Variants in GRIN2B observed in about 807,000 individuals in gnomAD.
The protein encoded by GRIN2B is glutamate receptor ionotropic, NMDA 2B.
A neutral mutation model predicts 114.5 loss-of-function variants in GRIN2B; 5 were observed. That is an observed-to-expected ratio of 0.04 (90% confidence interval 0.02 to 0.09). The LOEUF (loss-of-function observed/expected upper bound fraction) is 0.09, where lower values mean the gene tolerates loss of function less well. GRIN2B is among the 10% of genes least tolerant of loss of function. The pLI, the probability that GRIN2B is intolerant of heterozygous loss-of-function variation, is 1.00. For missense variants in GRIN2B, 1,108 were observed against 1,943.5 expected (o/e 0.57, Z 8.08); for synonymous variants, 787 against 745.1 (o/e 1.06, Z -0.92).
intron 10 of GRIN2B, among the ~76,000 whole-genome samples, chr12:13,606,929 T>A (rs1318884660): frequency 2.0e-5 from 3 of 151,182 alleles, no homozygotes; most frequent in African/African-American, 4.9e-5. Context: ...AATTTTTTTT[T>A]AAATAAGGAA....
chr12:13,731,933 G>C (rs1411237239), intron 4 of GRIN2B, among the ~76,000 whole-genome samples: 1 of 152,094 alleles, frequency 6.6e-6, no homozygotes, highest in Non-Finnish European at 1.5e-5. Context: ...AAAGTTAAAT[G>C]ACATTAATCT....
intron 3 of GRIN2B, among the ~76,000 whole-genome samples, chr12:13,807,457 C>G (rs1864623874): frequency 6.6e-6 from 1 of 152,098 alleles, no homozygotes; most frequent in Non-Finnish European, 1.5e-5. Context: ...CCCTGCATCT[C>G]TCTGACCACA....
chr12:13,795,006 C>T lies in GRIN2B; in HGVS notation c.412-41091G>A, dbSNP rs553257694. Among the ~76,000 whole-genome samples the T allele has an allele frequency of 2.0e-5, 3 of 152,334 alleles. No homozygotes were observed. The South Asian group carries it at 6.2e-4, about 32-fold the overall frequency. ...GGGATGGCTGGATAAGGCCAGAGCC[C>T]TATGATTCTTTGGGCCATTCTGATG... On this transcript the variant is annotated intron_variant, in intron 3 of 13. Coordinates refer to ENST00000609686, the MANE Select transcript of GRIN2B (RefSeq NM_000834.5).
At chr12:13,919,588 G>T (rs1300322803) in intron 2 of GRIN2B, among the ~76,000 whole-genome samples, 2 of 152,014 alleles carry the variant, frequency 1.3e-5, no homozygotes, top group Non-Finnish European at 2.9e-5. Flanking sequence ...AATAACAAAT[G>T]CCACGTGATG....
Position 13,866,233 on chromosome 12 carries a change from A to T in GRIN2B, c.-18-7T>A. ...TCTTCAACTCGTCGACTCCCTGCAA[A>T]CACAAAGAAAGAGCATGTTAAAATA... On this transcript the variant is annotated splice_region_variant and splice_polypyrimidine_tract_variant and intron_variant, in intron 2 of 13. Coordinates refer to ENST00000609686, the MANE Select transcript of GRIN2B (RefSeq NM_000834.5). 1 of 1,601,340 alleles carries T rather than the reference A, an allele frequency of 6.2e-7. No individual in the cohort carries two copies. Among genetic ancestry groups the T allele is most frequent in the East Asian group, 2.2e-5 (1 of 44,794 alleles).
At chr12:13,970,343 C>T (rs1426266755) in intron 2 of GRIN2B, among the ~76,000 whole-genome samples, 1 of 152,202 alleles carries the variant, frequency 6.6e-6, no homozygotes, top group African/African-American at 2.4e-5. Context: ...ACTTCATCAG[C>T]CTAAAGCTGG....
chr12:13,877,946 C>T (rs986568511), intron 2 of GRIN2B, among the ~76,000 whole-genome samples: 7 of 151,540 alleles, frequency 4.6e-5, no homozygotes, highest in Non-Finnish European at 7.4e-5. Context: ...CACCTGTAGT[C>T]CCAGCTACTC....
chr12:13,881,646 C>T (rs570652968), intron 2 of GRIN2B, among the ~76,000 whole-genome samples: 2 of 152,340 alleles, frequency 1.3e-5, no homozygotes, highest in Admixed American at 1.3e-4. Context: ...AGGCCTAAGT[C>T]AAACCCTGCT....
At chr12:13,944,722 TA>T (rs1415490401) in intron 2 of GRIN2B, among the ~76,000 whole-genome samples, 2 of 152,200 alleles carry the variant, frequency 1.3e-5, no homozygotes, top group African/African-American at 4.8e-5. Context: ...CGTGAACCCA[TA>T]ACTGACTTGA....
At chr12:13,841,959 C>G (rs1010252609) in intron 3 of GRIN2B, among the ~76,000 whole-genome samples, 3 of 152,052 alleles carry the variant, frequency 2.0e-5, no homozygotes, top group Non-Finnish European at 4.4e-5. Flanking sequence ...CCACCACTGC[C>G]ACTATCATTA....
At chr12:13,605,520 G>GTCTCTCTCTCTCTCTCTATCTCTCTCTC (rs1949229866) in intron 10 of GRIN2B, among the ~76,000 whole-genome samples, 1 of 114,952 alleles carries the variant, frequency 8.7e-6, no homozygotes, top group Non-Finnish European at 1.8e-5. Flanking sequence ...GGTCTTGAAA[G>GTCTCTCTCTCTCTCTCTATCTCTCTCTC]TCTCTCTCTC....
At chr12:13,591,929 T>C (rs1386835774) in intron 10 of GRIN2B, among the ~76,000 whole-genome samples, 1 of 152,222 alleles carries the variant, frequency 6.6e-6, no homozygotes, top group Non-Finnish European at 1.5e-5. Flanking sequence ...AAAGCCAATT[T>C]AATCCAAAAG....
At chr12:13,920,156 C>G (rs1866798443) in intron 2 of GRIN2B, among the ~76,000 whole-genome samples, 1 of 150,674 alleles carries the variant, frequency 6.6e-6, no homozygotes, top group Non-Finnish European at 1.5e-5. Context: ...CCCAACTACT[C>G]AGGAGGCTGA....
rs1042678905 is a variant in GRIN2B, at chr12:13,542,243, T to A, written c.*20540A>T. On this transcript the variant is annotated 3_prime_UTR_variant, in exon 14 of 14. Transcript: ENST00000609686. ...CAAAGTTGCTTTCCAATCCTTTTTA[T>A]TTGATTTTTTTTTTAAAGATGAACA... is the stretch of plus-strand genomic sequence containing the variant. 2.7e-5 allele frequency: 4 copies of A among 150,298 alleles called. No homozygotes were observed. Among genetic ancestry groups the A allele is most frequent in the Admixed American group, 6.6e-5 (1 of 15,138 alleles). The allele number at this position is 150,298 out of a possible 1,614,324, so 9.3% of individuals were successfully genotyped here.
intron 3 of GRIN2B, among the ~76,000 whole-genome samples, chr12:13,857,156 T>G (rs552957325): frequency 6.6e-6 from 1 of 152,244 alleles, no homozygotes; most frequent in Non-Finnish European, 1.5e-5. Context: ...GGAGCTGAAC[T>G]GTGAAAAGAA....
chr12:13,563,254 G>T lies in GRIN2B; in HGVS notation c.3984C>A (p.Gly1328=). Residue 1328 remains glycine, a synonymous_variant, in exon 14 of 14, where the codon GGC becomes GGA. Transcript: ENST00000609686. Reference sequence around the variant, plus strand: ...CGTAGGGGCTCCCATCCATGAATCGGCCCTTGTCTTTCAGGCTTACGCTGC... The same window carrying T: ...CGTAGGGGCTCCCATCCATGAATCGTCCCTTGTCTTTCAGGCTTACGCTGC... ...APRSVSLKDK[G]RFMDGSPYAH... The T allele has an allele frequency of 6.2e-7, 1 of 1,614,176 alleles. No individual in the cohort carries two copies. Among genetic ancestry groups the T allele is most frequent in the South Asian group, 1.1e-5 (1 of 91,084 alleles).
chr12:13,616,514 G>A lies in GRIN2B; in HGVS notation c.1269C>T (p.Asp423=), dbSNP rs781540920. The change falls in exon 6 of 14, where the codon GAC becomes GAT. Residue 423 remains aspartate, a synonymous_variant. Coordinates refer to ENST00000609686, the MANE Select transcript of GRIN2B (RefSeq NM_000834.5). Reference sequence around the variant, plus strand: ...TCCTCATGCAGGTTCCACTCAGAGGGTCCACACTTTCCACAATGACAAATG... The same window carrying A: ...TCCTCATGCAGGTTCCACTCAGAGGATCCACACTTTCCACAATGACAAATG... The part of the protein sequence containing the change: ...EAPFVIVESV[D]PLSGTCMRNT... 1 of 1,614,076 alleles carries A rather than the reference G, an allele frequency of 6.2e-7. No homozygotes were observed. The highest frequency in any genetic ancestry group is 8.5e-7 in the Non-Finnish European group (1 of 1,179,942).
intron 5 of GRIN2B, among the ~76,000 whole-genome samples, chr12:13,631,179 T>G (rs1949612874): frequency 6.6e-6 from 1 of 152,138 alleles, no homozygotes; most frequent in Non-Finnish European, 1.5e-5. Context: ...TATCAGGTGC[T>G]CTCAGTATAT....
chr12:13,920,969 C>T (rs923349748), intron 2 of GRIN2B, among the ~76,000 whole-genome samples: 11 of 152,062 alleles, frequency 7.2e-5, no homozygotes, highest in Non-Finnish European at 2.9e-5. Context: ...CCTAACGGCA[C>T]CAAGGATATG....
Sources: allele counts gnomAD v4.1 joint callset (sites outside exome capture counted in the v4.1 genomes callset), GRCh38; gene constraint gnomAD v4.1.1; transcripts MANE v1.5; gene names NCBI Gene and HGNC (gene_info 2026-07-23, HGNC 2026-07-21).